The following LINGO2 variants were observed in gnomAD, a reference collection of about 807,000 sequenced individuals.
The protein encoded by LINGO2 is leucine rich repeat and Ig domain containing 2, also known as leucine-rich repeat and immunoglobulin-like domain-containing nogo receptor-interacting protein 2.
LINGO2 carries 14 observed loss-of-function variants against 30.6 expected under a neutral mutation model. The ratio of observed to expected loss-of-function variants is 0.46; its 90% CI spans 0.30 to 0.72. The LOEUF (loss-of-function observed/expected upper bound fraction) is 0.72, where lower values mean the gene tolerates loss of function less well. Ranked by LOEUF, LINGO2 falls within the 30% of genes least tolerant of loss-of-function variation. LINGO2 has a pLI of 0.07. For synonymous variants in LINGO2, 317 were observed against 288.5 expected (o/e 1.10, Z -1.00); for missense variants, 729 against 751.7 (o/e 0.97, Z 0.35).
At chr9:28,255,216 T>C (rs530857903) in intron 4 of LINGO2, among the ~76,000 whole-genome samples, 3 of 152,096 alleles carry the variant, frequency 2.0e-5, no homozygotes, top group East Asian at 3.9e-4. Flanking sequence ...TCTCTTTCTT[T>C]TTGGTCTTAA....
intron 4 of LINGO2, among the ~76,000 whole-genome samples, chr9:28,161,384 T>C (rs1462380001): frequency 4.6e-5 from 7 of 152,174 alleles, no homozygotes; most frequent in Non-Finnish European, 1.0e-4. Flanking sequence ...ATTATTTCAT[T>C]GTTATTTTGC....
chr9:28,812,250 T>A, the LINGO2 span, among the ~76,000 whole-genome samples: 3 of 152,144 alleles, frequency 2.0e-5, no homozygotes, highest in Non-Finnish European at 4.4e-5. Flanking sequence ...TGCAAGAATA[T>A]CTGGTAGTAC....
At chr9:28,608,216 C>G (rs1825773607) in intron 1 of LINGO2, among the ~76,000 whole-genome samples, 1 of 150,694 alleles carries the variant, frequency 6.6e-6, no homozygotes, top group African/African-American at 2.4e-5. Flanking sequence ...TGGGGATATT[C>G]TAACACTTTC....
chr9:28,644,006 T>C (rs1827722498), intron 1 of LINGO2, among the ~76,000 whole-genome samples: 1 of 152,004 alleles, frequency 6.6e-6, no homozygotes, highest in Non-Finnish European at 1.5e-5. Flanking sequence ...CCAGTTAAAG[T>C]GGCTTATATC....
At chr9:28,595,561 T>C (rs1464391385) in intron 1 of LINGO2, among the ~76,000 whole-genome samples, 1 of 152,126 alleles carries the variant, frequency 6.6e-6, no homozygotes, top group Non-Finnish European at 1.5e-5. Flanking sequence ...ATAGTGTCTG[T>C]AGCAGTTATA....
At chr9:28,754,634 CCTT>C in the LINGO2 span, among the ~76,000 whole-genome samples, 2 of 150,910 alleles carry the variant, frequency 1.3e-5, no homozygotes, top group Non-Finnish European at 3.0e-5. Context: ...CTGTTTCTGT[CCTT>C]TTTTTTTTTT....
At chr9:28,870,205 G>A in the LINGO2 span, among the ~76,000 whole-genome samples, 3 of 151,700 alleles carry the variant, frequency 2.0e-5, no homozygotes, top group Non-Finnish European at 2.9e-5. Context: ...CCTCATTTTC[G>A]AGGCACTGCT....
chr9:27,994,494 C>T (rs1042666757), intron 5 of LINGO2, among the ~76,000 whole-genome samples: 5 of 151,970 alleles, frequency 3.3e-5, no homozygotes, highest in Non-Finnish European at 7.4e-5. Flanking sequence ...CTGGGAAATC[C>T]CACGCCCCAG....
chr9:29,191,061 A>G, the LINGO2 span, among the ~76,000 whole-genome samples: 4 of 152,164 alleles, frequency 2.6e-5, no homozygotes, highest in Non-Finnish European at 5.9e-5. Flanking sequence ...ACAAGAAAAA[A>G]TCCACTAGAC....
intron 5 of LINGO2, among the ~76,000 whole-genome samples, chr9:27,954,030 G>A (rs1819445152): frequency 6.6e-6 from 1 of 152,034 alleles, no homozygotes; most frequent in East Asian, 1.9e-4. Flanking sequence ...AAACATACCT[G>A]TATTACTTTT....
At chr9:28,818,093 T>C in the LINGO2 span, among the ~76,000 whole-genome samples, 1 of 152,152 alleles carries the variant, frequency 6.6e-6, no homozygotes, top group Non-Finnish European at 1.5e-5. Context: ...TTTTTAAAAT[T>C]TAATGATAGA....
the LINGO2 span, among the ~76,000 whole-genome samples, chr9:28,909,740 G>A: frequency 2.0e-5 from 3 of 152,132 alleles, no homozygotes; most frequent in South Asian, 2.1e-4. Context: ...ATCACCATCA[G>A]TGGCAAGGAA....
rs193279599 is a variant in LINGO2, at chr9:28,475,959, C to A, written c.-298G>T. The stretch of plus-strand genomic sequence containing the variant: ...ACTTACCAGTTTGAATTGTTGGGCT[C>A]TTCATGCTGGTAGTGGCCACTTTCG... On this transcript the variant is annotated 5_prime_UTR_variant, in exon 2 of 6. The change creates a premature stop within an existing upstream ORF in the 5' untranslated region. Transcript: ENST00000379992. The A allele has an allele frequency of 1.3e-5, 2 of 152,742 alleles. No homozygotes were observed. Among genetic ancestry groups the A allele is most frequent in the Admixed American group, 1.3e-4 (2 of 15,292 alleles). 9.5% of individuals were successfully genotyped at this position (152,742 alleles called of 1,614,324 possible).
chr9:28,176,286 C>A (rs76448612), intron 4 of LINGO2, among the ~76,000 whole-genome samples: 3,433 of 152,208 alleles, frequency 0.023, 135 homozygotes, highest in African/African-American at 0.078. Flanking sequence ...ACTCCCATCT[C>A]AGTTTTCAGA....
At chr9:28,841,157 T>C in the LINGO2 span, among the ~76,000 whole-genome samples, 1 of 151,828 alleles carries the variant, frequency 6.6e-6, no homozygotes, top group Admixed American at 6.6e-5. Flanking sequence ...GTTTAATTAG[T>C]GTCTATATAC....
rs554039807 is a variant in LINGO2, at chr9:28,579,979, A to G, written c.-365+90221T>C. On this transcript the variant is annotated intron_variant, in intron 1 of 5. Transcript: ENST00000379992. Reference sequence around the variant, plus strand: ...TTGTGAAGTTGGGCAGGCTGTCAACATTACTCAAATGCACTTTGGGCTTTT... The same window carrying G: ...TTGTGAAGTTGGGCAGGCTGTCAACGTTACTCAAATGCACTTTGGGCTTTT... Among the ~76,000 whole-genome samples, 3 of 152,224 alleles carry G rather than the reference A, an allele frequency of 2.0e-5. No homozygotes were observed. The East Asian group carries it at 5.8e-4, about 29-fold the overall frequency.
At chr9:28,984,002 T>C in the LINGO2 span, among the ~76,000 whole-genome samples, 1 of 152,064 alleles carries the variant, frequency 6.6e-6, no homozygotes, top group African/African-American at 2.4e-5. Flanking sequence ...TTCACTTCTA[T>C]CTTTGCACAA....
the LINGO2 span, among the ~76,000 whole-genome samples, chr9:29,084,951 G>C: frequency 2.0e-5 from 3 of 151,878 alleles, no homozygotes; most frequent in Non-Finnish European, 4.4e-5. Context: ...TCGATAGAAA[G>C]AGCTCAAGTA....
chr9:28,776,785 CAGAGGAAGTAT>C, the LINGO2 span, among the ~76,000 whole-genome samples: 2 of 150,960 alleles, frequency 1.3e-5, no homozygotes, highest in African/African-American at 4.9e-5. Context: ...TGTGTCAGAA[CAGAGGAAGTAT>C]AGAGTATATA....
Sources: gnomAD v4.1 joint callset for allele counts (sites outside exome capture counted in the v4.1 genomes callset) on GRCh38, gnomAD v4.1.1 for gene constraint, MANE v1.5 for transcripts, NCBI Gene and HGNC (gene_info 2026-07-23, HGNC 2026-07-21) for gene names.